OSGIN2: variants seen among roughly 807,000 people sequenced by gnomAD.
The protein encoded by OSGIN2 is oxidative stress-induced growth inhibitor 2.
In OSGIN2, 19 loss-of-function variants were observed where a neutral mutation model predicts 53.8. The observed-to-expected ratio is 0.35, with a 90% CI of 0.25 to 0.52. The LOEUF is 0.52. Ranked by LOEUF, OSGIN2 falls within the 20% of genes least tolerant of loss-of-function variation. The pLI, the probability that OSGIN2 is intolerant of heterozygous loss-of-function variation, is 0.95. For synonymous variants in OSGIN2, 236 were observed against 236.0 expected (o/e 1.00, Z 0.00); for missense variants, 520 against 662.7 (o/e 0.78, Z 2.36).
chr8:89,909,065 T>TATATATATAA (rs1418669494), intron 1 of OSGIN2, among the ~76,000 whole-genome samples: 16 of 118,784 alleles, frequency 1.3e-4, no homozygotes, highest in East Asian at 9.4e-4. Flanking sequence ...TATATATATA[T>TATATATATAA]AATGTATATG....
At chr8:89,913,330 C>T (rs145686217) in intron 2 of OSGIN2, among the ~76,000 whole-genome samples, 1 of 152,286 alleles carries the variant, frequency 6.6e-6, no homozygotes, top group East Asian at 1.9e-4. Context: ...AGACAGCCGG[C>T]CTTTGAAGCT....
chr8:89,908,487 A>T (rs1372845915), intron 1 of OSGIN2, among the ~76,000 whole-genome samples: 1 of 152,128 alleles, frequency 6.6e-6, no homozygotes, highest in Non-Finnish European at 1.5e-5. Flanking sequence ...CTCCTCTGGG[A>T]TCAGTGAGTT....
chr8:89,919,255 T>A (rs1315153241), intron 4 of OSGIN2, among the ~76,000 whole-genome samples: 1 of 152,158 alleles, frequency 6.6e-6, no homozygotes, highest in Non-Finnish European at 1.5e-5. Context: ...GGTGTACTTG[T>A]GGTTAAATTT....
chr8:89,916,252 C>T (rs1199647563), intron 4 of OSGIN2, among the ~76,000 whole-genome samples: 2 of 74,518 alleles, frequency 2.7e-5, no homozygotes, highest in African/African-American at 1.2e-4. Context: ...TCATTTCTTT[C>T]ACTTATGTAT....
At chr8:89,913,615 T>G (rs1281419302) in intron 2 of OSGIN2, among the ~76,000 whole-genome samples, 1 of 152,122 alleles carries the variant, frequency 6.6e-6, no homozygotes, top group African/African-American at 2.4e-5. Flanking sequence ...TGACAAGATA[T>G]AGGGGGCAAA....
rs1299921616 is a variant in OSGIN2 at position 89,927,372 on chromosome 8, G to A, written c.*1840G>A. The A allele has an allele frequency of 6.6e-6, 1 of 151,800 alleles. No homozygotes were observed. The highest frequency in any genetic ancestry group is 1.5e-5 in the Non-Finnish European group (1 of 67,978). The allele number at this position is 151,800 out of a possible 1,614,324, so 9.4% of individuals were successfully genotyped here. On this transcript the variant is annotated 3_prime_UTR_variant, in exon 6 of 6. Transcript: ENST00000451899. ...AATCTGGTGAATAATTTCATCTTTG[G>A]TAATCTCCCATTTCCTGAGTTCTTC...
Position 89,902,826 on chromosome 8 carries a change from C to A in OSGIN2, c.33C>A (p.Ala11=), listed in dbSNP as rs1487296608. MPVWCCRCSL[A]GHFRNYSDTE... is the part of the protein sequence containing the mutation. ...TGTGGTGCTGCCGCTGCTCCCTGGC[C>A]GGTCATTTCAGGTGACTTCCTCGCC... The change falls in exon 1 of 6, where the codon GCC becomes GCA. Residue 11 remains alanine (A), a synonymous_variant. Transcript: ENST00000451899. The A allele has an allele frequency of 7.3e-7, 1 of 1,379,256 alleles. No homozygotes were observed. Among genetic ancestry groups the A allele is most frequent in the East Asian group, 3.0e-5 (1 of 32,966 alleles). The allele number at this position is 1,379,256 out of a possible 1,614,324, so 85.4% of individuals were successfully genotyped here. A position where few individuals can be genotyped will look rare whatever the true frequency, so the allele number is the denominator to read the frequency against.
intron 1 of OSGIN2, among the ~76,000 whole-genome samples, chr8:89,909,065 T>TAAAA (rs770300611): frequency 3.4e-5 from 4 of 118,786 alleles, no homozygotes; most frequent in Admixed American, 9.5e-5. Flanking sequence ...TATATATATA[T>TAAAA]AATGTATATG....
Position 89,909,550 on chromosome 8 carries a change from CTTTT to C in OSGIN2, c.45-8_45-5del. Reference sequence around the variant, plus strand: ...TTGACTATATCTCTTTTTATTCCCCCTTTTTTTTTTTTAAAGAAACTATAGTGAC... The same window carrying C: ...TTGACTATATCTCTTTTTATTCCCCCTTTTTTTTAAAGAAACTATAGTGAC... On this transcript the variant is annotated splice_polypyrimidine_tract_variant and intron_variant, in intron 1 of 5. Transcript: ENST00000451899. The C allele has an allele frequency of 9.3e-7, 1 of 1,072,484 alleles. No individual in the cohort carries two copies. The highest frequency in any genetic ancestry group is 1.9e-5 in the South Asian group (1 of 52,350). The allele number at this position is 1,072,484 out of a possible 1,614,324, so 66.4% of individuals were successfully genotyped here.
In OSGIN2 at chr8:89,924,941, T is replaced by C. The variant is rs200290692; in HGVS notation, c.1059T>C (p.Ser353=). 16 of 1,614,226 alleles carry C rather than the reference T, an allele frequency of 9.9e-6. No homozygotes were observed. Among genetic ancestry groups the C allele is most frequent in the Non-Finnish European group, 1.4e-5 (16 of 1,180,014 alleles). ...GKVDPVLIVG[S]GLTAADAVLC... Reference sequence around the variant, plus strand: ...TGGATCCAGTGTTAATTGTAGGTTCTGGGCTTACTGCCGCTGACGCAGTAC... The same window carrying C: ...TGGATCCAGTGTTAATTGTAGGTTCCGGGCTTACTGCCGCTGACGCAGTAC... Residue 353 remains serine, a synonymous_variant, in exon 6 of 6, where the codon TCT becomes TCC. Coordinates refer to ENST00000451899, the MANE Select transcript of OSGIN2 (RefSeq NM_001126111.3).
chr8:89,903,443 A>G (rs1169681520), intron 1 of OSGIN2, among the ~76,000 whole-genome samples: 1 of 152,224 alleles, frequency 6.6e-6, no homozygotes, highest in East Asian at 1.9e-4. Flanking sequence ...TCAACACCTC[A>G]GTCATTGGTG....
chr8:89,924,993 G>A lies in OSGIN2; in HGVS notation c.1111G>A (p.Val371Met), dbSNP rs762021983. The stretch of plus-strand genomic sequence containing the variant: ...GTGTGCTTACAACAGTAATATCCCT[G>A]TGATTCATGTGTTTCGCAGACGAGT... ...VLCAYNSNIP[V>M]IHVFRRRVTD... The change falls in exon 6 of 6, where the codon GTG becomes ATG. Residue 371 changes from valine to methionine, a missense_variant. Val to Met is a conservative substitution (Grantham distance 21). Coordinates refer to ENST00000451899, the MANE Select transcript of OSGIN2 (RefSeq NM_001126111.3). 1 of 1,614,050 alleles carries A rather than the reference G, an allele frequency of 6.2e-7. No individual in the cohort carries two copies.
rs1334109661 is a variant in OSGIN2 at position 89,927,492 on chromosome 8, T to TAACA, written c.*1961_*1964dup. 3.3e-5 allele frequency: 5 copies of TAACA among 152,262 alleles called. No individual in the cohort carries two copies. Among genetic ancestry groups the TAACA allele is most frequent in the East Asian group, 1.9e-4 (1 of 5,200 alleles). The allele number at this position is 152,262 out of a possible 1,614,324, so 9.4% of individuals were successfully genotyped here. On this transcript the variant is annotated 3_prime_UTR_variant, in exon 6 of 6. Coordinates refer to ENST00000451899, the MANE Select transcript of OSGIN2 (RefSeq NM_001126111.3). ...TCTATAAATTTCTGTCCCGTAATTC[T>TAACA]AACACTTTACATTTTTTCTTTGCTA...
At chr8:89,924,104 T>C (rs914786883) in intron 5 of OSGIN2, among the ~76,000 whole-genome samples, 1 of 152,242 alleles carries the variant, frequency 6.6e-6, no homozygotes, top group African/African-American at 2.4e-5. Flanking sequence ...AGGCCTGTAA[T>C]ATCTCAATGA....
At position 89,916,308 on chromosome 8, in the gene OSGIN2, T is replaced by G. The variant is rs1809077913; in HGVS notation, c.528+1562T>G. Among the ~76,000 whole-genome samples, 3 of 152,216 alleles carry G rather than the reference T, an allele frequency of 2.0e-5. No homozygotes were observed. The South Asian group carries it at 6.2e-4, about 31-fold the overall frequency. On this transcript the variant is annotated intron_variant, in intron 4 of 5. Coordinates refer to ENST00000451899, the MANE Select transcript of OSGIN2 (RefSeq NM_001126111.3). ...ATAAACCCTGATTACTAAAAACACA[T>G]TTTGAGCCAGTGATAAAGGTTAAAA... is the stretch of plus-strand genomic sequence containing the variant.
intron 5 of OSGIN2, among the ~76,000 whole-genome samples, chr8:89,923,665 G>C (rs1809252730): frequency 6.6e-6 from 1 of 152,200 alleles, no homozygotes. Context: ...TTTAAGGCAA[G>C]CTAGGCTAAG....
rs1204734281 is a variant in OSGIN2 at position 89,924,786 on chromosome 8, G to A, written c.904G>A (p.Val302Ile). 1.2e-6 allele frequency: 2 copies of A among 1,614,086 alleles called. No homozygotes were observed. Among genetic ancestry groups the A allele is most frequent in the Non-Finnish European group, 8.5e-7 (1 of 1,180,022 alleles). The change falls in exon 6 of 6, where the codon GTA becomes ATA. Residue 302 changes from valine to isoleucine, a missense_variant. Val to Ile is a conservative substitution (Grantham distance 29). Coordinates refer to ENST00000451899, the MANE Select transcript of OSGIN2 (RefSeq NM_001126111.3). ...HVPFCLFAEN[V>I]ALATGTLDSP... ...TCCCTTCTGCCTCTTTGCTGAGAAT[G>A]TAGCGCTGGCAACTGGAACGCTGGA...
intron 4 of OSGIN2, among the ~76,000 whole-genome samples, chr8:89,917,775 CTT>C (rs918737983): frequency 6.6e-6 from 1 of 151,298 alleles, no homozygotes; most frequent in African/African-American, 2.4e-5. Flanking sequence ...GATGCAAATT[CTT>C]TTTTTTTAAT....
chr8:89,908,250 A>G (rs1006172765), intron 1 of OSGIN2, among the ~76,000 whole-genome samples: 4 of 152,160 alleles, frequency 2.6e-5, no homozygotes, highest in African/African-American at 9.7e-5. Context: ...TTGCACTGTG[A>G]GGAGGGGTTT....
Sources: gnomAD v4.1 joint callset for allele counts (sites outside exome capture counted in the v4.1 genomes callset) on GRCh38, gnomAD v4.1.1 for gene constraint, MANE v1.5 for transcripts, NCBI Gene and HGNC (gene_info 2026-07-23, HGNC 2026-07-21) for gene names.